Variants in RAG1 observed in about 807,000 individuals in gnomAD.
RAG1 encodes the protein V(D)J recombination-activating protein 1.
A neutral mutation model predicts 62.7 loss-of-function variants in RAG1; 35 were observed. That is an observed-to-expected ratio of 0.56 (90% CI 0.43 to 0.74). RAG1 has a LOEUF of 0.74. Among genes scored for constraint, RAG1 ranks in the 30% least tolerant of loss-of-function variants. The probability of loss-of-function intolerance (pLI) is 0.00; values close to 1 mark genes in which losing one functional copy is unlikely to be tolerated. For synonymous variants in RAG1, 461 were observed against 470.3 expected (o/e 0.98, Z 0.26); for missense variants, 1,169 against 1,278.6 (o/e 0.91, Z 1.31).
At chr11:36,548,093 C>G (rs986898717) in intron 3 of RAG1, among the ~76,000 whole-genome samples, 1 of 152,142 alleles carries the variant, frequency 6.6e-6, no homozygotes, top group African/African-American at 2.4e-5. Context: ...GCTAAAAACT[C>G]TCAATAAACT....
intron 3 of RAG1, among the ~76,000 whole-genome samples, chr11:36,547,555 C>A (rs2133270686): frequency 6.6e-6 from 1 of 152,230 alleles, no homozygotes; most frequent in South Asian, 2.1e-4. Flanking sequence ...GACACATATA[C>A]CCTCCCAAGA....
upstream of RAG1, among the ~76,000 whole-genome samples, chr11:36,566,126 A>G (rs544181300): frequency 3.9e-5 from 6 of 152,304 alleles, no homozygotes; most frequent in East Asian, 9.6e-4. Context: ...ATCTGGTCTG[A>G]ACCTCACACC....
Position 36,574,896 on chromosome 11 carries a change from C to T in RAG1, c.1592C>T (p.Ser531Phe). 1 of 1,614,206 alleles carries T rather than the reference C, an allele frequency of 6.2e-7. No homozygotes were observed. The highest frequency in any genetic ancestry group is 8.5e-7 in the Non-Finnish European group (1 of 1,180,046). The change falls in exon 2 of 2, where the codon TCC becomes TTC. Residue 531 changes from serine to phenylalanine, a missense_variant. Transcript: ENST00000299440. ...CAGCCACCTCTGAAGAATGTGTCTT[C>T]CAGCACTGATGTTGGCATTATTGAT... is the stretch of plus-strand genomic sequence containing the variant. Reference protein sequence around the residue: ...EWQPPLKNVSSSTDVGIIDGL... With the variant: ...EWQPPLKNVSFSTDVGIIDGL...
chr11:36,548,264 G>A (rs1850428752), intron 3 of RAG1, among the ~76,000 whole-genome samples: 1 of 152,204 alleles, frequency 6.6e-6, no homozygotes, highest in African/African-American at 2.4e-5. Flanking sequence ...AGTATTGGAA[G>A]TTCTGGCCAA....
At position 36,576,486 on chromosome 11, in the gene RAG1, G is replaced by A. The variant is rs547065993; in HGVS notation, c.*50G>A. ...TTTTTGCAATTGAGTTTCCCTCTGG[G>A]TTGCATTGAGGGCTTCTCCTAGCAC... is the stretch of plus-strand genomic sequence containing the variant. On this transcript the variant is annotated 3_prime_UTR_variant, in exon 2 of 2. Coordinates refer to ENST00000299440, the MANE Select transcript of RAG1 (RefSeq NM_000448.3). The A allele has an allele frequency of 4.4e-6, 7 of 1,605,412 alleles. No homozygotes were observed. The South Asian group carries it at 7.7e-5, about 18-fold the overall frequency.
chr11:36,561,036 T>C (rs1850577650), intron 3 of RAG1, among the ~76,000 whole-genome samples: 1 of 152,200 alleles, frequency 6.6e-6, no homozygotes, highest in South Asian at 2.1e-4. Flanking sequence ...CCATGTACCT[T>C]CCTTAGGCAC....
chr11:36,538,892 G>A (rs371955322), downstream of RAG1, among the ~76,000 whole-genome samples: 1 of 152,252 alleles, frequency 6.6e-6, no homozygotes, highest in East Asian at 1.9e-4. Flanking sequence ...TGTCCATGGG[G>A]CTGTCCTGTC....
At chr11:36,533,865 A>G (rs1184776443) in intron 2 of RAG1, among the ~76,000 whole-genome samples, 2 of 152,052 alleles carry the variant, frequency 1.3e-5, no homozygotes, top group East Asian at 3.9e-4. Flanking sequence ...TTAGTTACTA[A>G]CAGATGTCCT....
In RAG1 at chr11:36,531,817, G is replaced by A. The variant is rs555585628; in HGVS notation, n.429-4142G>A. Among the ~76,000 whole-genome samples the A allele has an allele frequency of 8.6e-5, 13 of 151,972 alleles. No individual in the cohort carries two copies. In the South Asian group the frequency reaches 1.0e-3, roughly 12 times the overall value. ...ATAACCTTTTTTCTTATCAAATGAC[G>A]TGAGCTAGAAACTTTCAAAATATTT... On this transcript the variant is annotated intron_variant and non_coding_transcript_variant, in intron 2 of 2. Coordinates refer to the RAG1 transcript ENST00000529126.
chr11:36,559,621 C>A (rs1024031295), intron 3 of RAG1, among the ~76,000 whole-genome samples: 7 of 151,976 alleles, frequency 4.6e-5, no homozygotes, highest in Admixed American at 1.3e-4. Context: ...TTTTCAAGTT[C>A]AGAAGTTCTT....
chr11:36,573,170 T>G, intron 1 of RAG1, 121 bp from the exon 2 acceptor site: 4 of 1,021,080 alleles, frequency 3.9e-6, no homozygotes, highest in Non-Finnish European at 2.8e-6. Context: ...GTAGAAGATT[T>G]AATACATATC....
At chr11:36,572,146 CAT>C (rs571445276) in intron 1 of RAG1, among the ~76,000 whole-genome samples, 153 of 152,252 alleles carry the variant, frequency 1.0e-3, no homozygotes, top group African/African-American at 3.4e-3. Flanking sequence ...GAGGGAAAAA[CAT>C]ATGTTACTTG....
upstream of RAG1, chr11:36,565,776 G>C (rs1484822121): frequency 1.3e-5 from 2 of 152,172 alleles, no homozygotes; most frequent in African/African-American, 4.8e-5. Flanking sequence ...GTTTTTTCCA[G>C]GTGATCCAAG....
At chr11:36,520,478 A>C (rs575695166) in intron 2 of RAG1, among the ~76,000 whole-genome samples, 1 of 152,072 alleles carries the variant, frequency 6.6e-6, no homozygotes, top group African/African-American at 2.4e-5. Flanking sequence ...GGGTTTCCCC[A>C]TGTTGGCCAG....
chr11:36,566,853 C>T (rs4150996), upstream of RAG1, among the ~76,000 whole-genome samples: 3,019 of 152,210 alleles, frequency 0.02, 101 homozygotes, highest in African/African-American at 0.069. Flanking sequence ...GGTCCAAATG[C>T]GAAAGAGTGG....
At chr11:36,559,519 T>G (rs1850552437) in intron 3 of RAG1, among the ~76,000 whole-genome samples, 1 of 152,178 alleles carries the variant, frequency 6.6e-6, no homozygotes, top group Non-Finnish European at 1.5e-5. Flanking sequence ...CATAATGGTA[T>G]TTTATAAAGT....
chr11:36,510,489 T>C (rs1859901351), upstream of RAG1: 1 of 152,298 alleles, frequency 6.6e-6, no homozygotes, highest in South Asian at 2.1e-4. Context: ...GGGTGTGTGT[T>C]GGAATGAGGA....
chr11:36,511,718 G>C (rs1419672977), intron 1 of RAG1, among the ~76,000 whole-genome samples: 1 of 152,170 alleles, frequency 6.6e-6, no homozygotes, highest in African/African-American at 2.4e-5. Context: ...GCCAGCCTTT[G>C]TGTATCCCTC....
intron 2 of RAG1, among the ~76,000 whole-genome samples, chr11:36,527,149 G>A (rs1860175469): frequency 1.3e-5 from 2 of 152,134 alleles, no homozygotes. Flanking sequence ...TAGTCATGAA[G>A]TCTTTGCCCA....
Sources: allele counts gnomAD v4.1 joint callset (sites outside exome capture counted in the v4.1 genomes callset), GRCh38; gene constraint gnomAD v4.1.1; transcripts MANE v1.5; gene names NCBI Gene and HGNC (gene_info 2026-07-23, HGNC 2026-07-21).